MACC1: variants seen among roughly 807,000 people sequenced by gnomAD.
The protein encoded by MACC1 is MET transcriptional regulator MACC1, also known as metastasis-associated in colon cancer protein 1.
In MACC1, 79 loss-of-function variants were observed where a neutral mutation model predicts 70.7. The observed-to-expected ratio is 1.12, with a 90% CI of 0.93 to 1.35. The LOEUF (loss-of-function observed/expected upper bound fraction) is 1.35, where lower values mean the gene tolerates loss of function less well. Among genes scored for constraint, MACC1 ranks in the 40% most tolerant of loss-of-function variants. The probability of loss-of-function intolerance (pLI) is 0.00; values close to 1 mark genes in which losing one functional copy is unlikely to be tolerated. For missense variants in MACC1, 1,106 were observed against 978.1 expected (o/e 1.13, Z -1.74); for synonymous variants, 361 against 347.2 (o/e 1.04, Z -0.44).
intron 1 of MACC1, among the ~76,000 whole-genome samples, chr7:20,208,225 A>G (rs1001992769): frequency 6.6e-6 from 1 of 152,224 alleles, no homozygotes; most frequent in African/African-American, 2.4e-5. Flanking sequence ...AAATTGGTAC[A>G]AGAAGTGAGG....
At chr7:20,205,839 A>G (rs996359949) in intron 1 of MACC1, among the ~76,000 whole-genome samples, 1 of 152,244 alleles carries the variant, frequency 6.6e-6, no homozygotes, top group East Asian at 1.9e-4. Context: ...GCAGAACTGT[A>G]GCATTCACTT....
intron 1 of MACC1, among the ~76,000 whole-genome samples, chr7:20,191,499 T>G (rs1008041539): frequency 6.6e-6 from 1 of 152,030 alleles, no homozygotes; most frequent in African/African-American, 2.4e-5. Flanking sequence ...TCTGTAGGAG[T>G]TGGTGCTATC....
chr7:20,156,522 G>A (rs189604306), intron 5 of MACC1, among the ~76,000 whole-genome samples: 19 of 152,262 alleles, frequency 1.2e-4, no homozygotes, highest in African/African-American at 4.6e-4. Context: ...ACCTTTGCAG[G>A]TGAATGTTAA....
At chr7:20,178,261 TCACACACACACACACACA>T (rs71020623) in intron 1 of MACC1, among the ~76,000 whole-genome samples, 2 of 98,946 alleles carry the variant, frequency 2.0e-5, no homozygotes, top group Middle Eastern at 4.3e-3. Context: ...TAATCTTATT[TCACACACACACACACACA>T]CACACACACA....
At chr7:20,180,139 T>C (rs1458463538) in intron 1 of MACC1, among the ~76,000 whole-genome samples, 1 of 152,138 alleles carries the variant, frequency 6.6e-6, no homozygotes, top group Non-Finnish European at 1.5e-5. Flanking sequence ...TGATAGAAAG[T>C]ATGTTCAAAA....
chr7:20,190,159 A>G lies in MACC1; in HGVS notation c.-217-19381T>C, dbSNP rs376113565. Among the ~76,000 whole-genome samples, 188 of 152,310 alleles carry G rather than the reference A, an allele frequency of 1.2e-3. 3 individuals carry two copies. The South Asian group carries it at 0.038, about 31-fold the overall frequency. ...GATTCAACCATTCAGTCCACAATGG[A>G]AAGCTATCCAGTGAAGTACATGGGA... On this transcript the variant is annotated intron_variant, in intron 1 of 6. Coordinates refer to ENST00000400331, the MANE Select transcript of MACC1 (RefSeq NM_182762.4).
At chr7:20,207,712 G>A (rs1782933273) in intron 1 of MACC1, among the ~76,000 whole-genome samples, 1 of 152,160 alleles carries the variant, frequency 6.6e-6, no homozygotes, top group Admixed American at 6.5e-5. Context: ...ATTTAAACTT[G>A]TATTATAGAA....
chr7:20,150,749 T>C (rs1262934689), intron 6 of MACC1, among the ~76,000 whole-genome samples: 1 of 152,038 alleles, frequency 6.6e-6, no homozygotes, highest in Non-Finnish European at 1.5e-5. Flanking sequence ...GCAAAGGTAA[T>C]TGAAGAAAGG....
intron 6 of MACC1, among the ~76,000 whole-genome samples, chr7:20,144,348 A>C (rs1323409264): frequency 6.6e-6 from 1 of 152,190 alleles, no homozygotes; most frequent in Non-Finnish European, 1.5e-5. Context: ...AATTACTTGC[A>C]TATTTTAAAT....
Position 20,161,740 on chromosome 7 carries a change from T to G in MACC1, c.115+8A>C. ...TGGACAAATCACAACAGTTATAAATTCCCATACCTGTAATATTGCAACTTT... is the reference window on the plus strand; with the variant it reads ...TGGACAAATCACAACAGTTATAAATGCCCATACCTGTAATATTGCAACTTT... On this transcript the variant is annotated splice_region_variant and intron_variant, in intron 4 of 6. Coordinates refer to ENST00000400331, the MANE Select transcript of MACC1 (RefSeq NM_182762.4). 2 of 1,536,366 alleles carry G rather than the reference T, an allele frequency of 1.3e-6. No individual in the cohort carries two copies. Among genetic ancestry groups the G allele is most frequent in the South Asian group, 2.2e-5 (2 of 89,082 alleles).
At chr7:20,161,704 A>T in intron 4 of MACC1, 44 bp downstream of exon 4, 1 of 1,181,480 alleles carries the variant, frequency 8.5e-7, no homozygotes, top group Non-Finnish European at 1.3e-6. Context: ...GATGAATTTC[A>T]TATACTTACA....
At chr7:20,187,188 T>C (rs1562596434) in intron 1 of MACC1, among the ~76,000 whole-genome samples, 1 of 152,212 alleles carries the variant, frequency 6.6e-6, no homozygotes, top group Non-Finnish European at 1.5e-5. Flanking sequence ...TTCTATATTT[T>C]CTAATTTTTA....
At chr7:20,211,182 C>T (rs1036900049) in intron 1 of MACC1, among the ~76,000 whole-genome samples, 3 of 152,106 alleles carry the variant, frequency 2.0e-5, no homozygotes, top group Non-Finnish European at 4.4e-5. Flanking sequence ...TCTCTATTTA[C>T]TAACTATTAA....
chr7:20,183,083 C>T (rs182935651), intron 1 of MACC1, among the ~76,000 whole-genome samples: 153 of 152,282 alleles, frequency 1.0e-3, no homozygotes, highest in Non-Finnish European at 1.6e-3. Context: ...TGATAAGATG[C>T]CTCATCCATG....
rs577524161 is a variant in MACC1 at position 20,206,316 on chromosome 7, A to C, written c.-218+10983T>G. Among the ~76,000 whole-genome samples, 5 of 152,154 alleles carry C rather than the reference A, an allele frequency of 3.3e-5. No homozygotes were observed. The East Asian group carries it at 9.7e-4, about 29-fold the overall frequency. On this transcript the variant is annotated intron_variant, in intron 1 of 6. Transcript: ENST00000400331. ...AGTGCCTATCCCTGCCACTCTACTG[A>C]AACTGCTCTAGGCAAGACTTCCAGT...
At chr7:20,160,376 C>G in intron 4 of MACC1, 131 bp from the exon 5 acceptor site, 1 of 1,060,036 alleles carries the variant, frequency 9.4e-7, no homozygotes, top group East Asian at 2.8e-5. Context: ...CTCTAGTCTA[C>G]TAGCTAACAT....
intron 1 of MACC1, among the ~76,000 whole-genome samples, chr7:20,211,826 T>C (rs529413347): frequency 1.4e-4 from 21 of 152,228 alleles, no homozygotes; most frequent in Non-Finnish European, 2.6e-4. Context: ...TATTTTATAG[T>C]ACTACTTATG....
rs544997786 is a variant in MACC1, at chr7:20,146,989, A to G, written c.2347-5831T>C. ...ATCTATGTGCTTTTCTTTTTATAAA[A>G]AAGGGCAGCAGCGTGAGTAAGTATT... On this transcript the variant is annotated intron_variant, in intron 6 of 6. Transcript: ENST00000400331. Among the ~76,000 whole-genome samples the G allele has an allele frequency of 8.6e-4, 131 of 152,336 alleles. 4 individuals are homozygous for G. The South Asian group carries it at 0.022, about 25-fold the overall frequency.
At chr7:20,171,833 C>T (rs555354951) in intron 1 of MACC1, among the ~76,000 whole-genome samples, 9 of 152,242 alleles carry the variant, frequency 5.9e-5, no homozygotes, top group South Asian at 2.1e-4. Flanking sequence ...CTGCCCACCT[C>T]GGCCTCACAG....
Sources: gnomAD v4.1 joint callset for allele counts (sites outside exome capture counted in the v4.1 genomes callset) on GRCh38, gnomAD v4.1.1 for gene constraint, MANE v1.5 for transcripts, NCBI Gene and HGNC (gene_info 2026-07-23, HGNC 2026-07-21) for gene names.